The following TRIOBP variants were observed in gnomAD, a reference collection of about 807,000 sequenced individuals.
TRIOBP encodes the protein TRIO and F-actin-binding protein.
A neutral mutation model predicts 238.8 loss-of-function variants in TRIOBP; 169 were observed. That is an observed-to-expected ratio of 0.71 (90% CI 0.62 to 0.80). TRIOBP has a LOEUF of 0.80. TRIOBP is among the 30% of genes least tolerant of loss of function. The probability of loss-of-function intolerance (pLI) is 0.00; values close to 1 mark genes in which losing one functional copy is unlikely to be tolerated. For missense variants in TRIOBP, 2,838 were observed against 3,122.6 expected, an observed-to-expected ratio of 0.91 and a Z score of 2.17; for synonymous variants, 1,150 against 1,274.4, an observed-to-expected ratio of 0.90 and a Z score of 2.08.
chr22:37,773,175 A>T (rs887281327), intron 23 of TRIOBP, among the ~76,000 whole-genome samples: 12 of 145,808 alleles, frequency 8.2e-5, no homozygotes, highest in African/African-American at 3.0e-4. Context: ...GCAGGGCTCA[A>T]AGTGGTTGGT....
chr22:37,740,098 G>C (rs928275497), intron 10 of TRIOBP, among the ~76,000 whole-genome samples: 1 of 152,196 alleles, frequency 6.6e-6, no homozygotes, highest in Non-Finnish European at 1.5e-5. Flanking sequence ...GACTGTGATG[G>C]GGAATGTGGT....
chr22:37,773,904 CCA>C lies in TRIOBP; in HGVS notation c.*157_*158del, dbSNP rs57293518. On this transcript the variant is annotated 3_prime_UTR_variant, in exon 24 of 24. Transcript: ENST00000644935. ...TGGGCCACACGTGCACTTGCACCCA[CCA>C]CACACACACACACACACACACACAC... is the stretch of plus-strand genomic sequence containing the variant. 0.48 allele frequency: 68,039 copies of C among 142,900 alleles called. 16,286 individuals are homozygous for C. Among genetic ancestry groups the C allele is most frequent in the East Asian group, 0.58 (2,777 of 4,760 alleles). 8.9% of individuals were successfully genotyped at this position (142,900 alleles called of 1,614,324 possible). A position where few individuals can be genotyped will look rare whatever the true frequency, so the allele number is the denominator to read the frequency against.
At chr22:37,730,269 C>G (rs887826894) in intron 7 of TRIOBP, among the ~76,000 whole-genome samples, 1 of 152,090 alleles carries the variant, frequency 6.6e-6, no homozygotes, top group East Asian at 1.9e-4. Context: ...CAGGTGGCCC[C>G]GAGGAGACGC....
intron 2 of TRIOBP, among the ~76,000 whole-genome samples, chr22:37,700,197 C>A (rs1601614200): frequency 1.3e-5 from 2 of 152,034 alleles, no homozygotes; most frequent in South Asian, 4.1e-4. Context: ...CTTTAACATG[C>A]ACAGCCCCAG....
At chr22:37,767,843 G>A (rs1926577691) in intron 18 of TRIOBP, among the ~76,000 whole-genome samples, 1 of 152,150 alleles carries the variant, frequency 6.6e-6, no homozygotes, top group African/African-American at 2.4e-5. Context: ...GCTGAGAGAG[G>A]TTGAGAGCTT....
intron 11 of TRIOBP, chr22:37,746,112 C>G: frequency 2.2e-6 from 2 of 895,060 alleles, no homozygotes; most frequent in African/African-American, 1.8e-5. Context: ...AGGTCCCGCC[C>G]CCGGCCCGTC....
In TRIOBP at chr22:37,734,954, G is replaced by C. The variant is rs1196145613; in HGVS notation, c.4618G>C (p.Gly1540Arg). 6.2e-7 allele frequency: 1 copy of C among 1,613,354 alleles called. No homozygotes were observed. Residue 1540 changes from glycine (G) to arginine (R), a missense_variant, in exon 9 of 24, where the codon GGG (glycine) becomes CGG (arginine). Around this residue, in one of 5 missense-constraint regions of TRIOBP, gnomAD observed 2,096 missense variants for 2,137.4 expected, o/e 0.98. Transcript: ENST00000644935. ...TGGGACACCCACTGCTGTGGGCTGG[G>C]GGGCAGAGGGAGCGTGTCCATACCC... ...HSGTPTAVGWGAEGACPYPRG... is the reference protein window; with the variant it reads ...HSGTPTAVGWRAEGACPYPRG...
At chr22:37,770,481 G>A (rs535564077) in intron 21 of TRIOBP, among the ~76,000 whole-genome samples, 2 of 149,794 alleles carry the variant, frequency 1.3e-5, no homozygotes, top group African/African-American at 2.5e-5. Context: ...AAAAAAAAGC[G>A]ATTATCCTGC....
At chr22:37,727,856 C>T (rs1924248808) in intron 7 of TRIOBP, among the ~76,000 whole-genome samples, 1 of 152,144 alleles carries the variant, frequency 6.6e-6, no homozygotes, top group African/African-American at 2.4e-5. Flanking sequence ...GCTGAGGTTT[C>T]TCTCCCCAGA....
Position 37,734,967 on chromosome 22 carries a change from C to A in TRIOBP, c.4631C>A (p.Ala1544Glu). ...PTAVGWGAEG[A>E]CPYPRGSERR... The stretch of plus-strand genomic sequence containing the variant: ...GCTGTGGGCTGGGGGGCAGAGGGAG[C>A]GTGTCCATACCCGCGTGGCTCTGAG... Residue 1544 changes from alanine to glutamate, a missense_variant, in exon 9 of 24, where the codon GCG (alanine) becomes GAG (glutamate). By Grantham distance (107) the Ala-to-Glu change is moderately radical. Transcript: ENST00000644935. 1 of 1,613,486 alleles carries A rather than the reference C, an allele frequency of 6.2e-7. No homozygotes were observed. Among genetic ancestry groups the A allele is most frequent in the Non-Finnish European group, 8.5e-7 (1 of 1,179,998 alleles).
At chr22:37,752,961 C>T (rs1925702141) in intron 12 of TRIOBP, among the ~76,000 whole-genome samples, 1 of 152,226 alleles carries the variant, frequency 6.6e-6, no homozygotes, top group African/African-American at 2.4e-5. Context: ...GAACTCAGCG[C>T]ACCTGAGGCC....
intron 11 of TRIOBP, 127 bp downstream of exon 11, chr22:37,741,159 T>A (rs1483907092): frequency 1.5e-6 from 2 of 1,301,576 alleles, no homozygotes; most frequent in Non-Finnish European, 2.1e-6. Flanking sequence ...GGCCGTCGCA[T>A]GACAGGAGAG....
chr22:37,768,271 C>A (rs1425048934), intron 19 of TRIOBP, 95 bp downstream of exon 19: 1 of 1,043,212 alleles, frequency 9.6e-7, no homozygotes, highest in Non-Finnish European at 1.5e-6. Flanking sequence ...CAGTTTGCCC[C>A]TAGCTGAGAT....
rs1045441135 is a variant in TRIOBP at position 37,757,923 on chromosome 22, G to C, written c.5998G>C (p.Val2000Leu). The change falls in exon 16 of 24, where the codon GTG (valine) becomes CTG (leucine). Residue 2000 changes from valine (V) to leucine (L), a missense_variant. Transcript: ENST00000644935. The stretch of plus-strand genomic sequence containing the variant: ...GGCCACAGACAGCAGGACCCCAGAG[G>C]TGCCTGCTGGTGAGGGGCCGCGCCG... The part of the protein sequence containing the change: ...FEATDSRTPE[V>L]PAGEGPRRGL... The C allele has an allele frequency of 6.4e-7, 1 of 1,554,362 alleles. No individual in the cohort carries two copies. The highest frequency in any genetic ancestry group is 2.0e-5 in the Admixed American group (1 of 51,258).
chr22:37,743,407 C>G (rs1456646115), intron 11 of TRIOBP, among the ~76,000 whole-genome samples: 1 of 152,160 alleles, frequency 6.6e-6, no homozygotes, highest in Non-Finnish European at 1.5e-5. Flanking sequence ...CTGGTCTTTG[C>G]CAGTTTAATA....
Position 37,772,728 on chromosome 22 carries a change from A to G in TRIOBP, c.7064A>G (p.Glu2355Gly). ...HLRLAMAALQEKESMRNSLAE is the reference protein window; with the variant it reads ...HLRLAMAALQGKESMRNSLAE Reference sequence around the variant, plus strand: ...CGTCTTGCCATGGCCGCCCTCCAGGAGAAGGAGTCGATGCGCAACAGCCTG... The same window carrying G: ...CGTCTTGCCATGGCCGCCCTCCAGGGGAAGGAGTCGATGCGCAACAGCCTG... Residue 2355 changes from glutamate to glycine, a missense_variant, in exon 23 of 24, where the codon GAG becomes GGG. Transcript: ENST00000644935. 1 of 1,613,910 alleles carries G rather than the reference A, an allele frequency of 6.2e-7. No individual in the cohort carries two copies. The highest frequency in any genetic ancestry group is 8.5e-7 in the Non-Finnish European group (1 of 1,180,012).
In TRIOBP at chr22:37,769,351, C is replaced by G; in HGVS notation, c.6825C>G (p.Asn2275Lys). The change falls in exon 21 of 24, where the codon AAC (asparagine) becomes AAG (lysine). Residue 2275 changes from asparagine to lysine, a missense_variant. By Grantham distance (94) the Asn-to-Lys change is moderately conservative. Around this residue, in one of 5 missense-constraint regions of TRIOBP, gnomAD observed 2,096 missense variants for 2,137.4 expected, o/e 0.98. Transcript: ENST00000644935. ...TGGGCAATGGCTGCGGGCGCAGCAA[C>G]GAGCGGAGTTCCTGCGAGCTAGAGG... ...QGMGNGCGRS[N>K]ERSSCELEVL... 6.2e-7 allele frequency: 1 copy of G among 1,609,046 alleles called. No individual in the cohort carries two copies. Among genetic ancestry groups the G allele is most frequent in the South Asian group, 1.1e-5 (1 of 90,488 alleles).
In TRIOBP at chr22:37,769,086, A is replaced by C; in HGVS notation, c.6634A>C (p.Lys2212Gln). The C allele has an allele frequency of 6.2e-7, 1 of 1,613,550 alleles. No homozygotes were observed. The highest frequency in any genetic ancestry group is 8.5e-7 in the Non-Finnish European group (1 of 1,180,020). ...GGTGCTATCGGAGCAGTACTCGCAGAAGTGCCTGGAGATTGGGGCACTCAT... is the reference window on the plus strand; with the variant it reads ...GGTGCTATCGGAGCAGTACTCGCAGCAGTGCCTGGAGATTGGGGCACTCAT... ...LQVLSEQYSQ[K>Q]CLEIGALMRQ... Residue 2212 changes from lysine (K) to glutamine (Q), a missense_variant, in exon 20 of 24, where the codon AAG becomes CAG. By Grantham distance (53) the Lys-to-Gln change is moderately conservative. This residue lies in a region of TRIOBP where 2,096 missense variants were observed against 2,137.4 expected (regional missense o/e 0.98). Coordinates refer to ENST00000644935, the MANE Select transcript of TRIOBP (RefSeq NM_001039141.3).
chr22:37,750,493 G>T, intron 11 of TRIOBP: 2 of 383,346 alleles, frequency 5.2e-6, no homozygotes, highest in Non-Finnish European at 1.1e-5. Context: ...GCCAGGTGTG[G>T]TCACCAATCT....
Sources: gnomAD v4.1 joint callset for allele counts (sites outside exome capture counted in the v4.1 genomes callset) on GRCh38, gnomAD v4.1.1 for gene constraint, gnomAD v4.1.1 regional missense constraint, MANE v1.5 for transcripts, NCBI Gene and HGNC (gene_info 2026-07-23, HGNC 2026-07-21) for gene names.